The following FOXP1 variants were observed in gnomAD, a reference collection of about 807,000 sequenced individuals.
FOXP1 encodes forkhead box protein P1.
Under a neutral mutation model 98.2 loss-of-function variants are expected in FOXP1, and 15 were observed. The observed-to-expected ratio is 0.15, with a 90% CI of 0.10 to 0.24. The LOEUF is 0.24. Ranked by LOEUF, FOXP1 falls within the 10% of genes least tolerant of loss-of-function variation. FOXP1 has a pLI of 1.00. For missense variants in FOXP1, 633 were observed against 848.5 expected, an observed-to-expected ratio of 0.75 and a Z score of 3.15; for synonymous variants, 371 against 314.5, an observed-to-expected ratio of 1.18 and a Z score of -1.90.
At chr3:70,967,837 A>AT (rs1289303672) in intron 19 of FOXP1, among the ~76,000 whole-genome samples, 2 of 151,452 alleles carry the variant, frequency 1.3e-5, no homozygotes, top group East Asian at 3.9e-4. Context: ...TGGAAATACC[A>AT]TAAGATAAGC....
intron 5 of FOXP1, among the ~76,000 whole-genome samples, chr3:71,262,929 G>A (rs908904277): frequency 6.6e-6 from 1 of 152,168 alleles, no homozygotes; most frequent in African/African-American, 2.4e-5. Context: ...CTGAGTCTTC[G>A]GGTGGCCTTG....
chr3:71,437,918 C>G (rs913713393), intron 3 of FOXP1, among the ~76,000 whole-genome samples: 5 of 152,098 alleles, frequency 3.3e-5, no homozygotes, highest in Non-Finnish European at 5.9e-5. Flanking sequence ...AAGCTGTGTA[C>G]ACGAAATTGA....
At chr3:71,281,647 T>C (rs2071580239) in intron 5 of FOXP1, among the ~76,000 whole-genome samples, 1 of 152,230 alleles carries the variant, frequency 6.6e-6, no homozygotes, top group Non-Finnish European at 1.5e-5. Flanking sequence ...AATAACATCA[T>C]GTTAGAGCCA....
intron 6 of FOXP1, among the ~76,000 whole-genome samples, chr3:71,162,474 C>T (rs1375408079): frequency 6.6e-6 from 1 of 152,152 alleles, no homozygotes; most frequent in Non-Finnish European, 1.5e-5. Flanking sequence ...TTAAGACATC[C>T]AATGTTAAGA....
At chr3:71,409,463 C>T in intron 3 of FOXP1, among the ~76,000 whole-genome samples, 1 of 152,108 alleles carries the variant, frequency 6.6e-6, no homozygotes, top group East Asian at 1.9e-4. Context: ...AATACAACCA[C>T]CTCTGTATCC....
At chr3:71,141,178 C>G (rs756226627) in intron 6 of FOXP1, among the ~76,000 whole-genome samples, 7 of 143,776 alleles carry the variant, frequency 4.9e-5, no homozygotes, top group Non-Finnish European at 7.5e-5. Flanking sequence ...TGAGGCAGGA[C>G]AATCAGTTGA....
rs770108438 is a variant in FOXP1 at position 70,977,917 on chromosome 3, C to A, written c.1259G>T (p.Gly420Val). Residue 420 changes from glycine to valine, a missense_variant, in exon 15 of 21, where the codon GGC becomes GTC. Coordinates refer to ENST00000649528, the MANE Select transcript of FOXP1 (RefSeq NM_001349338.3). The stretch of plus-strand genomic sequence containing the variant: ...GCTGGTGGTTGTGATGACAGAGGGG[C>A]CTTGGGTGACGGGAGTCAGGGGGGC... ...PTAPLTPVTQ[G>V]PSVITTTSMH... 2 of 1,614,032 alleles carry A rather than the reference C, an allele frequency of 1.2e-6. No individual in the cohort carries two copies. Among genetic ancestry groups the A allele is most frequent in the Admixed American group, 3.3e-5 (2 of 60,010 alleles).
intron 7 of FOXP1, among the ~76,000 whole-genome samples, chr3:71,104,871 G>A (rs576309225): frequency 6.6e-6 from 1 of 152,222 alleles, no homozygotes; most frequent in African/African-American, 2.4e-5. Context: ...TGATGTTTCT[G>A]GAGCATTAAT....
At chr3:71,438,197 G>GT (rs2085555379) in intron 3 of FOXP1, among the ~76,000 whole-genome samples, 1 of 152,188 alleles carries the variant, frequency 6.6e-6, no homozygotes, top group African/African-American at 2.4e-5. Context: ...TAAGAACACT[G>GT]TGTCTGGTTT....
At chr3:70,968,008 G>T (rs752596800) in intron 19 of FOXP1, among the ~76,000 whole-genome samples, 8 of 152,144 alleles carry the variant, frequency 5.3e-5, no homozygotes, top group African/African-American at 9.7e-5. Flanking sequence ...ATCCTCTAGA[G>T]AAGGCAACTT....
At chr3:71,385,913 A>G (rs1398316935) in intron 3 of FOXP1, among the ~76,000 whole-genome samples, 1 of 152,122 alleles carries the variant, frequency 6.6e-6, no homozygotes, top group Non-Finnish European at 1.5e-5. Context: ...CTCTAGTTCA[A>G]TGTGTATTTC....
At chr3:71,579,508 T>C (rs1362029818) in intron 2 of FOXP1, among the ~76,000 whole-genome samples, 1 of 152,174 alleles carries the variant, frequency 6.6e-6, no homozygotes, top group Admixed American at 6.5e-5. Context: ...TCATGTTGAA[T>C]GTCAATCTAA....
chr3:71,034,971 G>A (rs1198161197), intron 11 of FOXP1, among the ~76,000 whole-genome samples: 1 of 152,210 alleles, frequency 6.6e-6, no homozygotes, highest in East Asian at 1.9e-4. Context: ...ACCTGTCTGG[G>A]ATGTGAATCA....
intron 5 of FOXP1, among the ~76,000 whole-genome samples, chr3:71,203,493 T>C (rs1016908440): frequency 6.6e-6 from 1 of 152,248 alleles, no homozygotes; most frequent in Admixed American, 6.5e-5. Flanking sequence ...ATTATGATTA[T>C]TTCCTTGGTT....
At chr3:71,194,084 C>G (rs1445766964) in intron 6 of FOXP1, among the ~76,000 whole-genome samples, 1 of 152,124 alleles carries the variant, frequency 6.6e-6, no homozygotes, top group African/African-American at 2.4e-5. Flanking sequence ...CTTTGCTTAT[C>G]CACACTTTCT....
At chr3:71,310,561 G>A (rs768597333) in intron 4 of FOXP1, among the ~76,000 whole-genome samples, 5 of 152,224 alleles carry the variant, frequency 3.3e-5, no homozygotes, top group Non-Finnish European at 7.3e-5. Flanking sequence ...AGAGGGCCAC[G>A]TCTGGTTTAC....
chr3:71,453,918 G>C (rs1390055814), intron 3 of FOXP1, among the ~76,000 whole-genome samples: 1 of 152,164 alleles, frequency 6.6e-6, no homozygotes, highest in Admixed American at 6.5e-5. Context: ...TTATGAACCA[G>C]ACATCTGTGT....
At chr3:71,205,714 C>A (rs1182322423) in intron 5 of FOXP1, among the ~76,000 whole-genome samples, 1 of 152,166 alleles carries the variant, frequency 6.6e-6, no homozygotes, top group Non-Finnish European at 1.5e-5. Context: ...AACGGCGCCA[C>A]TGACCTGTCC....
chr3:71,160,297 A>T (rs575920848), intron 6 of FOXP1, among the ~76,000 whole-genome samples: 2 of 152,096 alleles, frequency 1.3e-5, no homozygotes, highest in Non-Finnish European at 2.9e-5. Flanking sequence ...GATGATTTAC[A>T]CTCCTAGAGA....
Sources: gnomAD v4.1 joint callset for allele counts (sites outside exome capture counted in the v4.1 genomes callset) on GRCh38, gnomAD v4.1.1 for gene constraint, MANE v1.5 for transcripts, NCBI Gene and HGNC (gene_info 2026-07-23, HGNC 2026-07-21) for gene names.